The following AGBL4 variants were observed in gnomAD, a reference collection of about 807,000 sequenced individuals.
AGBL4 encodes the protein cytosolic carboxypeptidase 6.
Under a neutral mutation model 66.4 loss-of-function variants are expected in AGBL4, and 58 were observed. The observed-to-expected ratio is 0.87, with a 90% CI of 0.71 to 1.09. The LOEUF (loss-of-function observed/expected upper bound fraction) is 1.09. Ranked by LOEUF, AGBL4 falls within the 50% of genes least tolerant of loss-of-function variation. AGBL4 has a pLI of 0.00. For missense variants in AGBL4, 579 were observed against 631.0 expected (o/e 0.92, Z 0.88); for synonymous variants, 234 against 222.9 (o/e 1.05, Z -0.44).
At chr1:49,235,839 C>T (rs570611181) in intron 4 of AGBL4, among the ~76,000 whole-genome samples, 62 of 152,090 alleles carry the variant, frequency 4.1e-4, no homozygotes, top group African/African-American at 1.4e-3. Context: ...AAAATGGTGG[C>T]TCAGAGAGGT....
intron 4 of AGBL4, among the ~76,000 whole-genome samples, chr1:49,222,456 C>G (rs1570118859): frequency 6.6e-6 from 1 of 152,286 alleles, no homozygotes; most frequent in East Asian, 1.9e-4. Context: ...TATGCACGTT[C>G]TGCATATAAA....
intron 6 of AGBL4, among the ~76,000 whole-genome samples, chr1:48,671,015 G>C (rs1210935975): frequency 1.3e-5 from 2 of 152,256 alleles, no homozygotes; most frequent in African/African-American, 4.8e-5. Context: ...AGGCAAGGGG[G>C]CTGGCCCTGT....
At chr1:48,620,269 C>A (rs958013287) in intron 9 of AGBL4, among the ~76,000 whole-genome samples, 3 of 152,056 alleles carry the variant, frequency 2.0e-5, no homozygotes, top group African/African-American at 4.8e-5. Context: ...TATTTATTTA[C>A]GTATTTAAAT....
chr1:48,878,672 T>A (rs1649454869), intron 5 of AGBL4, among the ~76,000 whole-genome samples: 1 of 152,170 alleles, frequency 6.6e-6, no homozygotes, highest in Non-Finnish European at 1.5e-5. Context: ...GACACTGTGA[T>A]TCAGATCGGT....
At chr1:49,057,205 A>C (rs1644323118) in intron 4 of AGBL4, among the ~76,000 whole-genome samples, 1 of 152,168 alleles carries the variant, frequency 6.6e-6, no homozygotes. Flanking sequence ...ATTTGAGATA[A>C]GCCTGGGCAA....
At chr1:49,145,669 A>T (rs1646203873) in intron 4 of AGBL4, among the ~76,000 whole-genome samples, 2 of 152,202 alleles carry the variant, frequency 1.3e-5, no homozygotes, top group Non-Finnish European at 2.9e-5. Context: ...AACCACAGTG[A>T]GTAAGAACCT....
At chr1:49,356,551 A>G (rs1644023650) in intron 3 of AGBL4, among the ~76,000 whole-genome samples, 1 of 152,230 alleles carries the variant, frequency 6.6e-6, no homozygotes, top group Non-Finnish European at 1.5e-5. Flanking sequence ...AAAATAAGAC[A>G]CTATCAGCAC....
At chr1:49,354,075 C>G (rs1161399841) in intron 3 of AGBL4, among the ~76,000 whole-genome samples, 1 of 152,190 alleles carries the variant, frequency 6.6e-6, no homozygotes, top group Non-Finnish European at 1.5e-5. Context: ...TAACACTTAG[C>G]TATCTGTGGA....
At chr1:48,795,551 G>C (rs1645654669) in intron 6 of AGBL4, among the ~76,000 whole-genome samples, 1 of 152,124 alleles carries the variant, frequency 6.6e-6, no homozygotes, top group Non-Finnish European at 1.5e-5. Context: ...CTAGAGTACA[G>C]TATCACACCC....
At chr1:48,958,198 T>C (rs1235343259) in intron 5 of AGBL4, among the ~76,000 whole-genome samples, 1 of 152,148 alleles carries the variant, frequency 6.6e-6, no homozygotes, top group East Asian at 1.9e-4. Flanking sequence ...CTCTTCTTCA[T>C]GTGCCATTAA....
At chr1:48,834,259 A>T (rs1487134215) in intron 6 of AGBL4, among the ~76,000 whole-genome samples, 1 of 152,170 alleles carries the variant, frequency 6.6e-6, no homozygotes, top group Non-Finnish European at 1.5e-5. Context: ...TATCTGATTT[A>T]GATGATATTT....
intron 4 of AGBL4, among the ~76,000 whole-genome samples, chr1:49,073,240 A>G (rs112591901): frequency 0.014 from 2,097 of 152,216 alleles, 67 homozygotes; most frequent in African/African-American, 0.047. Context: ...TCTGAAGCCT[A>G]CTTCTATGAG....
intron 4 of AGBL4, among the ~76,000 whole-genome samples, chr1:49,053,645 G>C (rs558931588): frequency 7.9e-5 from 12 of 152,260 alleles, no homozygotes; most frequent in Non-Finnish European, 1.0e-4. Flanking sequence ...ACACATTTAT[G>C]CTAGGGTATA....
intron 6 of AGBL4, among the ~76,000 whole-genome samples, chr1:48,797,154 A>G (rs1645698701): frequency 6.6e-6 from 1 of 152,246 alleles, no homozygotes; most frequent in Non-Finnish European, 1.5e-5. Context: ...TTTCATATCT[A>G]GCTTCAGACC....
intron 2 of AGBL4, among the ~76,000 whole-genome samples, chr1:49,791,545 A>G (rs1218818910): frequency 5.3e-5 from 8 of 152,070 alleles, no homozygotes; most frequent in Admixed American, 2.0e-4. Flanking sequence ...ACTATGGTCT[A>G]TGAGACACTA....
At chr1:49,830,227 C>T (rs371579400) in intron 2 of AGBL4, among the ~76,000 whole-genome samples, 3 of 152,234 alleles carry the variant, frequency 2.0e-5, no homozygotes, top group Admixed American at 6.5e-5. Context: ...ATTTACACTC[C>T]CACCAACAGT....
rs116444590 is a variant in AGBL4, at chr1:49,676,930, A to G, written c.282+20383T>C. ...TATAAGCCAAGAGATTAAGGGAATC[A>G]TTTAAGAATGCCTAGTATATTGAGT... On this transcript the variant is annotated intron_variant, in intron 3 of 13. Transcript: ENST00000371839. 1.9e-3 allele frequency among the ~76,000 whole-genome samples: 289 copies of G among 152,232 alleles called. 3 individuals carry two copies. Among genetic ancestry groups the G allele is most frequent in the African/African-American group, 6.7e-3 (279 of 41,582 alleles).
intron 2 of AGBL4, among the ~76,000 whole-genome samples, chr1:49,787,732 G>GA: frequency 6.6e-6 from 1 of 152,246 alleles, no homozygotes; most frequent in East Asian, 1.9e-4. Context: ...GAAGTCTGGA[G>GA]AAAACCAGGC....
At chr1:48,712,522 C>T (rs1646984646) in intron 6 of AGBL4, among the ~76,000 whole-genome samples, 1 of 152,146 alleles carries the variant, frequency 6.6e-6, no homozygotes, top group Non-Finnish European at 1.5e-5. Flanking sequence ...TAACATAGAG[C>T]TCTAAACACA....
Sources: allele counts gnomAD v4.1 joint callset (sites outside exome capture counted in the v4.1 genomes callset), GRCh38; gene constraint gnomAD v4.1.1; transcripts MANE v1.5; gene names NCBI Gene and HGNC (gene_info 2026-07-23, HGNC 2026-07-21).